Variants in ARL6IP6 observed in about 807,000 individuals in gnomAD.
The protein encoded by ARL6IP6 is ARF like GTPase 6 interacting protein 6, also known as ADP-ribosylation factor-like protein 6-interacting protein 6.
ARL6IP6 carries 22 observed loss-of-function variants against 21.5 expected under a neutral mutation model. That is an observed-to-expected ratio of 1.02 (90% CI 0.73 to 1.46). The LOEUF is 1.46. Ranked by LOEUF, ARL6IP6 falls within the 40% of genes most tolerant of loss-of-function variation. The pLI, the probability that ARL6IP6 is intolerant of heterozygous loss-of-function variation, is 0.00. For synonymous variants in ARL6IP6, 164 were observed against 125.3 expected, an observed-to-expected ratio of 1.31 and a Z score of -2.06; for missense variants, 388 against 299.8, an observed-to-expected ratio of 1.29 and a Z score of -2.17.
chr2:152,742,562 A>G (rs1445169503), intron 3 of ARL6IP6, among the ~76,000 whole-genome samples: 1 of 140,470 alleles, frequency 7.1e-6, no homozygotes, highest in Non-Finnish European at 1.5e-5. Context: ...AGAGCAAGAT[A>G]CGCTCTTTAA....
intron 2 of ARL6IP6, among the ~76,000 whole-genome samples, chr2:152,727,692 G>A (rs765142913): frequency 2.0e-5 from 3 of 151,988 alleles, no homozygotes; most frequent in Admixed American, 6.6e-5. Flanking sequence ...TATTACAGTC[G>A]CGTGCAGTAT....
At chr2:152,729,578 AAC>A (rs1238670826) in intron 2 of ARL6IP6, among the ~76,000 whole-genome samples, 3 of 152,306 alleles carry the variant, frequency 2.0e-5, no homozygotes, top group Non-Finnish European at 4.4e-5. Context: ...ATTAAAAAAA[AAC>A]ACACACACAA....
intron 3 of ARL6IP6, among the ~76,000 whole-genome samples, chr2:152,748,005 T>A (rs1701139170): frequency 6.6e-6 from 1 of 152,194 alleles, no homozygotes; most frequent in African/African-American, 2.4e-5. Context: ...CCAGCCCTAC[T>A]AATTTCTCTA....
intron 3 of ARL6IP6, among the ~76,000 whole-genome samples, chr2:152,757,345 A>G (rs138293634): frequency 6.7e-4 from 102 of 152,346 alleles, no homozygotes; most frequent in African/African-American, 2.4e-3. Flanking sequence ...ATTGAACTGT[A>G]TATAAATGTT....
chr2:152,723,720 T>C (rs190435743), intron 2 of ARL6IP6, among the ~76,000 whole-genome samples: 18 of 152,304 alleles, frequency 1.2e-4, no homozygotes, highest in African/African-American at 4.1e-4. Context: ...TAACAATCAC[T>C]TGGGGACTTG....
At chr2:152,731,803 A>C (rs572935694) in intron 2 of ARL6IP6, among the ~76,000 whole-genome samples, 1 of 152,278 alleles carries the variant, frequency 6.6e-6, no homozygotes, top group South Asian at 2.1e-4. Flanking sequence ...AAAATATCTA[A>C]GTACAATATA....
intron 2 of ARL6IP6, among the ~76,000 whole-genome samples, chr2:152,728,208 A>C (rs921038970): frequency 5.9e-5 from 9 of 152,196 alleles, no homozygotes; most frequent in African/African-American, 2.2e-4. Flanking sequence ...TAAGTATACC[A>C]GTTTATTTAA....
At chr2:152,718,512 C>G (rs545077205), upstream of ARL6IP6, 2 of 1,438,810 alleles carry the variant, frequency 1.4e-6, no homozygotes, top group African/African-American at 1.4e-5. Flanking sequence ...TGGTTTACCC[C>G]TGGGCTCTGA....
At chr2:152,749,781 A>G (rs1382341829) in intron 3 of ARL6IP6, among the ~76,000 whole-genome samples, 1 of 152,208 alleles carries the variant, frequency 6.6e-6, no homozygotes, top group Non-Finnish European at 1.5e-5. Context: ...TAAGTACTTC[A>G]TTGTAGAATT....
At position 152,760,026 on chromosome 2, in the gene ARL6IP6, A is replaced by G; in HGVS notation, c.*186A>G. ...CATTGTTTTAGAATGTCTGAGTATT[A>G]AGATACAGATTAATTGGGAATATCT... is the stretch of plus-strand genomic sequence containing the variant. On this transcript the variant is annotated 3_prime_UTR_variant, in exon 4 of 4. Coordinates refer to ENST00000326446, the MANE Select transcript of ARL6IP6 (RefSeq NM_152522.7). 1 of 518,688 alleles carries G rather than the reference A, an allele frequency of 1.9e-6. No individual in the cohort carries two copies. The highest frequency in any genetic ancestry group is 3.4e-6 in the Non-Finnish European group (1 of 291,286). 32.1% of individuals were successfully genotyped at this position (518,688 alleles called of 1,614,324 possible).
At chr2:152,756,106 C>T (rs1701580827) in intron 3 of ARL6IP6, among the ~76,000 whole-genome samples, 1 of 151,986 alleles carries the variant, frequency 6.6e-6, no homozygotes, top group African/African-American at 2.4e-5. Flanking sequence ...TAGGTTTTTT[C>T]TTTAGTTTCT....
chr2:152,753,990 C>T (rs1017841217), intron 3 of ARL6IP6, among the ~76,000 whole-genome samples: 1 of 151,356 alleles, frequency 6.6e-6, no homozygotes, highest in African/African-American at 2.4e-5. Context: ...CGTGAGCCAC[C>T]ACGCCCGGTC....
At chr2:152,757,396 G>T (rs1159831366) in intron 3 of ARL6IP6, among the ~76,000 whole-genome samples, 1 of 152,124 alleles carries the variant, frequency 6.6e-6, no homozygotes, top group Non-Finnish European at 1.5e-5. Context: ...TTAAAAAAGT[G>T]AAATGCATGT....
chr2:152,760,673 T>C lies in ARL6IP6; in HGVS notation c.*833T>C, dbSNP rs1701799874. ...AAATTTGAAATTTTTACTATTTCTGTTTCCACAATTCCAAATATTTATCTT... is the reference window on the plus strand; with the variant it reads ...AAATTTGAAATTTTTACTATTTCTGCTTCCACAATTCCAAATATTTATCTT... On this transcript the variant is annotated 3_prime_UTR_variant, in exon 4 of 4. Transcript: ENST00000326446. 6.6e-6 allele frequency: 1 copy of C among 152,064 alleles called. No individual in the cohort carries two copies. Among genetic ancestry groups the C allele is most frequent in the Non-Finnish European group, 1.5e-5 (1 of 67,968 alleles). 9.4% of individuals were successfully genotyped at this position (152,064 alleles called of 1,614,324 possible). A position where few individuals can be genotyped will look rare whatever the true frequency, so the allele number is the denominator to read the frequency against.
chr2:152,730,746 A>G (rs1700270274), intron 2 of ARL6IP6, among the ~76,000 whole-genome samples: 1 of 152,102 alleles, frequency 6.6e-6, no homozygotes, highest in Admixed American at 6.5e-5. Context: ...AGATGTGGCA[A>G]CTTCCAGCCA....
At chr2:152,736,871 T>C (rs1700577883) in intron 3 of ARL6IP6, among the ~76,000 whole-genome samples, 1 of 152,226 alleles carries the variant, frequency 6.6e-6, no homozygotes, top group South Asian at 2.1e-4. Context: ...GCATACGTTA[T>C]AGGCTAATAC....
At chr2:152,729,909 T>A (rs1467977115) in intron 2 of ARL6IP6, among the ~76,000 whole-genome samples, 1 of 152,110 alleles carries the variant, frequency 6.6e-6, no homozygotes, top group Non-Finnish European at 1.5e-5. Flanking sequence ...TAAGGGCTTA[T>A]AAAACATCAA....
At position 152,760,244 on chromosome 2, in the gene ARL6IP6, A is replaced by T. The variant is rs1292233686; in HGVS notation, c.*404A>T. 6.5e-6 allele frequency: 1 copy of T among 153,738 alleles called. No individual in the cohort carries two copies. The highest frequency in any genetic ancestry group is 1.5e-5 in the Non-Finnish European group (1 of 68,806). 9.5% of individuals were successfully genotyped at this position (153,738 alleles called of 1,614,324 possible). On this transcript the variant is annotated 3_prime_UTR_variant, in exon 4 of 4. Transcript: ENST00000326446. Reference sequence around the variant, plus strand: ...AAATACTGATATTTCTGTTTAGTTGAGCTAGAAATACTTCTTATTTATACA... The same window carrying T: ...AAATACTGATATTTCTGTTTAGTTGTGCTAGAAATACTTCTTATTTATACA...
rs755057691 is a variant in ARL6IP6, at chr2:152,719,005, C to T, written c.381C>T (p.Ile127=). 1.9e-6 allele frequency: 3 copies of T among 1,574,554 alleles called. No individual in the cohort carries two copies. Among genetic ancestry groups the T allele is most frequent in the Non-Finnish European group, 2.6e-6 (3 of 1,157,882 alleles). The change falls in exon 1 of 4, where the codon ATC becomes ATT. Residue 127 remains isoleucine, a synonymous_variant. Coordinates refer to ENST00000326446, the MANE Select transcript of ARL6IP6 (RefSeq NM_152522.7). ...FAILLAFLLA[I]AYLIVKELHA... The stretch of plus-strand genomic sequence containing the variant: ...TTCTTCTCGCCTTCCTCCTCGCCAT[C>T]GCCTACTTGATCGTTAAAGGTATTG...
Sources: gnomAD v4.1 joint callset for allele counts (sites outside exome capture counted in the v4.1 genomes callset) on GRCh38, gnomAD v4.1.1 for gene constraint, MANE v1.5 for transcripts, NCBI Gene and HGNC (gene_info 2026-07-23, HGNC 2026-07-21) for gene names.